ZNF226: variants seen among roughly 807,000 people sequenced by gnomAD.
ZNF226 encodes the protein zinc finger protein 226.
Under a neutral mutation model 11.4 loss-of-function variants are expected in ZNF226, and 6 were observed. The observed-to-expected ratio is 0.53, with a 90% confidence interval of 0.29 to 1.04. The LOEUF is 1.04. Ranked by LOEUF, ZNF226 falls within the 50% of genes least tolerant of loss-of-function variation. The pLI is 0.08. For missense variants in ZNF226, 1,058 were observed against 956.5 expected, an observed-to-expected ratio of 1.11 and a Z score of -1.40; for synonymous variants, 350 against 322.8, an observed-to-expected ratio of 1.08 and a Z score of -0.90.
At chr19:44,172,595 G>C (rs1409759650) in intron 4 of ZNF226, 2 of 471,828 alleles carry the variant, frequency 4.2e-6, no homozygotes, top group Non-Finnish European at 7.5e-6. Flanking sequence ...CCAATTGCTT[G>C]AGTGATGTGA....
rs771640886 is a variant in ZNF226, at chr19:44,177,534, G to A, written c.2272G>A (p.Glu758Lys). The change falls in exon 6 of 6, where the codon GAG becomes AAG. Residue 758 changes from glutamate to lysine, a missense_variant. By Grantham distance (56) the Glu-to-Lys change is moderately conservative. Transcript: ENST00000337433. ...VHTGEKPYKC[E>K]ICGKSFSWRS... ...CACTGGGGAGAAACCTTATAAATGT[G>A]AGATATGTGGTAAGAGCTTCAGTTG... The A allele has an allele frequency of 3.1e-6, 5 of 1,614,106 alleles. No homozygotes were observed. In the South Asian group the frequency reaches 5.5e-5, roughly 18 times the overall value.
intron 4 of ZNF226, 155 bp from the exon 5 acceptor site, chr19:44,172,705 G>A (rs895759116): frequency 1.6e-6 from 1 of 633,552 alleles, no homozygotes; most frequent in Admixed American, 3.1e-5. Flanking sequence ...TCTGGGTCAT[G>A]AAATAAATGG....
rs745362612 is a variant in ZNF226 at position 44,177,440 on chromosome 19, A to G, written c.2178A>G (p.Pro726=). ...AGAGTGTCCACACAGGAGAGAAACC[A>G]TACAAATGTGATGTGTGTGGTAAAG... is the stretch of plus-strand genomic sequence containing the variant. The part of the protein sequence containing the change: ...LHQSVHTGEK[P]YKCDVCGKVF... The change falls in exon 6 of 6, where the codon CCA becomes CCG. Residue 726 remains proline, a synonymous_variant. Coordinates refer to ENST00000337433, the MANE Select transcript of ZNF226 (RefSeq NM_001032373.2). The G allele has an allele frequency of 3.1e-6, 5 of 1,614,088 alleles. No homozygotes were observed. The Admixed American group carries it at 5.0e-5, about 16-fold the overall frequency.
Position 44,176,180 on chromosome 19 carries a change from A to G in ZNF226, c.918A>G (p.Lys306=), listed in dbSNP as rs1222135343. 5 of 1,614,018 alleles carry G rather than the reference A, an allele frequency of 3.1e-6. No homozygotes were observed. Among genetic ancestry groups the G allele is most frequent in the Non-Finnish European group, 3.4e-6 (4 of 1,180,028 alleles). The change falls in exon 6 of 6, where the codon AAA becomes AAG. Residue 306 remains lysine, a synonymous_variant. Transcript: ENST00000337433. The stretch of plus-strand genomic sequence containing the variant: ...ATCAGAAAGTACATGTGGGAGAAAA[A>G]CTTAAGTGTGATGAGTGTGGTAAGG... ...PVHQKVHVGE[K]LKCDECGKEF...
the ZNF226 span, among the ~76,000 whole-genome samples, chr19:44,190,181 G>A: frequency 2.6e-5 from 4 of 151,936 alleles, no homozygotes; most frequent in Non-Finnish European, 5.9e-5. Flanking sequence ...AGACTGATTT[G>A]TTTGTAAATA....
At chr19:44,196,747 A>T in the ZNF226 span, among the ~76,000 whole-genome samples, 1 of 152,210 alleles carries the variant, frequency 6.6e-6, no homozygotes, top group Admixed American at 6.5e-5. Context: ...GCTCATGTTG[A>T]TAGAATTCAC....
At chr19:44,197,585 T>C in the ZNF226 span, among the ~76,000 whole-genome samples, 2 of 152,196 alleles carry the variant, frequency 1.3e-5, no homozygotes, top group Admixed American at 6.5e-5. Context: ...AGTTGTCTCA[T>C]TGAGGGTTTA....
chr19:44,185,966 C>G, the ZNF226 span, among the ~76,000 whole-genome samples: 1 of 151,856 alleles, frequency 6.6e-6, no homozygotes, highest in Non-Finnish European at 1.5e-5. Context: ...TAACTTTATT[C>G]TTTTGCATAT....
At chr19:44,173,123 T>C (rs1035310999) in intron 5 of ZNF226, 171 bp downstream of exon 5, 1 of 610,610 alleles carries the variant, frequency 1.6e-6, no homozygotes, top group African/African-American at 1.9e-5. Context: ...CATTCTGTTC[T>C]TTAAGTGGCA....
chr19:44,186,503 G>A, the ZNF226 span, among the ~76,000 whole-genome samples: 2 of 151,960 alleles, frequency 1.3e-5, no homozygotes, highest in African/African-American at 4.8e-5. Context: ...TCACGTTGGT[G>A]ATTGCTAGTA....
At chr19:44,184,019 A>C in the ZNF226 span, among the ~76,000 whole-genome samples, 1 of 152,234 alleles carries the variant, frequency 6.6e-6, no homozygotes, top group Admixed American at 6.5e-5. Context: ...TCATTGAAGC[A>C]TAACCATAAC....
At chr19:44,177,894 G>A (rs1970840763), downstream of ZNF226, 1 of 470,308 alleles carries the variant, frequency 2.1e-6, no homozygotes, top group Admixed American at 4.0e-5. Context: ...TTTTATAAAA[G>A]TATCATGGTG....
chr19:44,173,518 G>A (rs1024373319), intron 5 of ZNF226: 1 of 152,828 alleles, frequency 6.5e-6, no homozygotes, highest in Non-Finnish European at 1.5e-5. Flanking sequence ...AGCACTTCGC[G>A]AGGCTGAGGT....
At chr19:44,173,541 C>A (rs1322413462) in intron 5 of ZNF226, 2 of 152,638 alleles carry the variant, frequency 1.3e-5, no homozygotes, top group African/African-American at 2.4e-5. Context: ...GCAGATCAAT[C>A]ATGAGGTCAG....
chr19:44,176,903 A>C lies in ZNF226; in HGVS notation c.1641A>C (p.Gln547His). Residue 547 changes from glutamine to histidine, a missense_variant, in exon 6 of 6, where the codon CAA becomes CAC. Physicochemically the swap from Gln to His is conservative, Grantham distance 24. Coordinates refer to ENST00000337433, the MANE Select transcript of ZNF226 (RefSeq NM_001032373.2). ...GKGFSQSSYLQIHQKAHSIEK... is the reference protein window; with the variant it reads ...GKGFSQSSYLHIHQKAHSIEK... Reference sequence around the variant, plus strand: ...GCTTCAGTCAAAGTTCGTATCTTCAAATCCATCAGAAGGCCCACAGTATAG... The same window carrying C: ...GCTTCAGTCAAAGTTCGTATCTTCACATCCATCAGAAGGCCCACAGTATAG... 6.2e-7 allele frequency: 1 copy of C among 1,612,990 alleles called. No individual in the cohort carries two copies. The highest frequency in any genetic ancestry group is 8.5e-7 in the Non-Finnish European group (1 of 1,179,674).
chr19:44,198,119 T>C, the ZNF226 span, among the ~76,000 whole-genome samples: 1 of 152,226 alleles, frequency 6.6e-6, no homozygotes, highest in Admixed American at 6.5e-5. Flanking sequence ...ATCAAATGAC[T>C]AGATATATGT....
the ZNF226 span, among the ~76,000 whole-genome samples, chr19:44,185,093 G>C: frequency 6.6e-6 from 1 of 152,232 alleles, no homozygotes; most frequent in Admixed American, 6.5e-5. Flanking sequence ...CCATGTGGCA[G>C]GATTTTCTTC....
At chr19:44,190,488 C>A in the ZNF226 span, among the ~76,000 whole-genome samples, 3 of 152,076 alleles carry the variant, frequency 2.0e-5, no homozygotes, top group African/African-American at 4.8e-5. Flanking sequence ...CGCCCGCCAC[C>A]ACGCCTGGCT....
At chr19:44,182,647 C>T (rs1265930270), downstream of ZNF226, among the ~76,000 whole-genome samples, 2 of 151,992 alleles carry the variant, frequency 1.3e-5, no homozygotes, top group Non-Finnish European at 2.9e-5. Context: ...TAACTCTTCT[C>T]GGCAGACCAG....
Sources: gnomAD v4.1 joint callset for allele counts (sites outside exome capture counted in the v4.1 genomes callset) on GRCh38, gnomAD v4.1.1 for gene constraint, MANE v1.5 for transcripts, NCBI Gene and HGNC (gene_info 2026-07-23, HGNC 2026-07-21) for gene names.